RBFOX3: variants seen among roughly 807,000 people sequenced by gnomAD.
The protein encoded by RBFOX3 is RNA binding fox-1 homolog 3.
A neutral mutation model predicts 48.7 loss-of-function variants in RBFOX3; 17 were observed. The observed-to-expected ratio is 0.35, with a 90% CI of 0.24 to 0.52. The LOEUF (loss-of-function observed/expected upper bound fraction) is 0.52. RBFOX3 is among the 20% of genes least tolerant of loss of function. The pLI is 0.94. For synonymous variants in RBFOX3, 212 were observed against 209.5 expected (o/e 1.01, Z -0.10); for missense variants, 382 against 497.5 (o/e 0.77, Z 2.21).
chr17:79,312,082 G>T (rs1045536377), intron 2 of RBFOX3, among the ~76,000 whole-genome samples: 1 of 152,128 alleles, frequency 6.6e-6, no homozygotes, highest in African/African-American at 2.4e-5. Context: ...AAATGCCACA[G>T]TTAGCAGCGC....
chr17:79,398,077 G>T (rs1026732566), intron 2 of RBFOX3, among the ~76,000 whole-genome samples: 2 of 152,160 alleles, frequency 1.3e-5, no homozygotes. Flanking sequence ...GGCTCTGGGC[G>T]CCTTGTCGGG....
intron 4 of RBFOX3, among the ~76,000 whole-genome samples, chr17:79,232,457 T>C (rs2061147654): frequency 6.6e-6 from 1 of 152,198 alleles, no homozygotes; most frequent in South Asian, 2.1e-4. Flanking sequence ...AGAAACAGAA[T>C]ATCAAACCCA....
intron 2 of RBFOX3, among the ~76,000 whole-genome samples, chr17:79,426,469 G>A (rs1555725612): frequency 6.6e-6 from 1 of 152,214 alleles, no homozygotes; most frequent in African/African-American, 2.4e-5. Context: ...TCGCGACACA[G>A]TGTTCTGTGG....
intron 1 of RBFOX3, among the ~76,000 whole-genome samples, chr17:79,569,691 A>G (rs1413960439): frequency 6.6e-6 from 1 of 152,232 alleles, no homozygotes; most frequent in Non-Finnish European, 1.5e-5. Context: ...GCCTGCTGCA[A>G]ACATTGTACC....
At chr17:79,659,148 C>T in the RBFOX3 span, among the ~76,000 whole-genome samples, 1 of 152,076 alleles carries the variant, frequency 6.6e-6, no homozygotes, top group African/African-American at 2.4e-5. Flanking sequence ...CGCGGGGGCC[C>T]GTGACAACAT....
At chr17:79,634,080 G>A in the RBFOX3 span, among the ~76,000 whole-genome samples, 1 of 152,188 alleles carries the variant, frequency 6.6e-6, no homozygotes, top group East Asian at 1.9e-4. Flanking sequence ...TGCCTTGCCC[G>A]GCATTGGGCA....
intron 3 of RBFOX3, among the ~76,000 whole-genome samples, chr17:79,258,351 A>G (rs1305806741): frequency 6.6e-6 from 1 of 151,998 alleles, no homozygotes; most frequent in Admixed American, 6.6e-5. Flanking sequence ...CTCAAACCCT[A>G]CTCAATACTC....
chr17:79,452,980 C>A (rs549725241), intron 2 of RBFOX3, among the ~76,000 whole-genome samples: 1 of 152,346 alleles, frequency 6.6e-6, no homozygotes, highest in East Asian at 1.9e-4. Flanking sequence ...AGACGTGCAG[C>A]TTGGAGCACA....
At chr17:79,140,984 G>A (rs547075506) in intron 4 of RBFOX3, among the ~76,000 whole-genome samples, 9 of 152,308 alleles carry the variant, frequency 5.9e-5, no homozygotes, top group Admixed American at 3.9e-4. Context: ...GAGGCAGCCC[G>A]GGTGGCTTCG....
chr17:79,551,084 CTAG>C lies in RBFOX3; in HGVS notation c.-320+59739_-320+59741del, dbSNP rs1232349361. 6.1e-3 allele frequency among the ~76,000 whole-genome samples: 926 copies of C among 152,292 alleles called. 12 individuals carry two copies. Among genetic ancestry groups the C allele is most frequent in the African/African-American group, 0.021 (887 of 41,544 alleles). On this transcript the variant is annotated intron_variant, in intron 1 of 14. Transcript: ENST00000693108. ...ATTTTATTTAAATAGTCGCATGCAA[CTAG>C]TAGTTGCTGCATTGAACAGAACAGT...
chr17:79,185,105 T>A (rs2053128083), intron 4 of RBFOX3, among the ~76,000 whole-genome samples: 1 of 139,338 alleles, frequency 7.2e-6, no homozygotes, highest in Admixed American at 6.8e-5. Context: ...TTGTTCATCT[T>A]CTTCGTAGAG....
intron 3 of RBFOX3, among the ~76,000 whole-genome samples, chr17:79,255,044 C>T (rs943356776): frequency 6.6e-6 from 1 of 152,048 alleles, no homozygotes; most frequent in Non-Finnish European, 1.5e-5. Context: ...GCTTCCTGCC[C>T]CCAGGGCCTG....
At chr17:79,129,023 C>T (rs1365120613) in intron 4 of RBFOX3, among the ~76,000 whole-genome samples, 1 of 152,194 alleles carries the variant, frequency 6.6e-6, no homozygotes, top group Non-Finnish European at 1.5e-5. Context: ...GGTAGCACCC[C>T]AGACCCCGAG....
chr17:79,524,602 G>A (rs1414849373), intron 1 of RBFOX3, among the ~76,000 whole-genome samples: 1 of 152,150 alleles, frequency 6.6e-6, no homozygotes, highest in Non-Finnish European at 1.5e-5. Context: ...TGCAGAACTG[G>A]GGGCTGGATT....
chr17:79,564,321 C>T (rs1017555855), intron 1 of RBFOX3, among the ~76,000 whole-genome samples: 4 of 152,310 alleles, frequency 2.6e-5, no homozygotes, highest in South Asian at 2.1e-4. Flanking sequence ...TGGCATTAAT[C>T]GTGCTGGGAA....
chr17:79,262,215 C>T (rs954875080), intron 3 of RBFOX3, among the ~76,000 whole-genome samples: 91 of 152,156 alleles, frequency 6.0e-4, no homozygotes, highest in African/African-American at 2.0e-3. Flanking sequence ...CGAGATGCGG[C>T]GGTTCTGAGC....
chr17:79,179,233 T>G (rs1283341265), intron 4 of RBFOX3, among the ~76,000 whole-genome samples: 1 of 122,348 alleles, frequency 8.2e-6, no homozygotes, highest in African/African-American at 2.7e-5. Context: ...CTAATGAATC[T>G]CAGAACAGAC....
Position 79,198,633 on chromosome 17 carries a change from T to C in RBFOX3, c.-34+37133A>G, listed in dbSNP as rs78960803. Among the ~76,000 whole-genome samples the C allele has an allele frequency of 3.4e-4, 50 of 146,994 alleles. No homozygotes were observed. The highest frequency in any genetic ancestry group is 5.3e-4 in the Non-Finnish European group (35 of 66,520). On this transcript the variant is annotated intron_variant, in intron 4 of 14. Coordinates refer to ENST00000693108, the MANE Select transcript of RBFOX3 (RefSeq NM_001350451.2). This position sits in a 1 kb window ranked among gnomAD's most constrained non-coding sequence, Gnocchi z 8.2. Reference sequence around the variant, plus strand: ...TGCTTTTGAACTTTCTCTCTCTCTTTTTTTTTTTTTAAGATGGAGTCTTGC... The same window carrying C: ...TGCTTTTGAACTTTCTCTCTCTCTTCTTTTTTTTTTAAGATGGAGTCTTGC...
rs1243608678 is a variant in RBFOX3, at chr17:79,477,318, A to G, written c.-175+5136T>C. ...ACACCTGTAATCCCAGCACTTTGGG[A>G]GGCCAAGGCAGGTGGATCACGAGGT... On this transcript the variant is annotated intron_variant, in intron 2 of 14. Transcript: ENST00000693108. The surrounding 1 kb of genome is among the most constrained non-coding windows in gnomAD (Gnocchi z 4.8). Among the ~76,000 whole-genome samples the G allele has an allele frequency of 7.6e-4, 113 of 148,378 alleles. No homozygotes were observed. The highest frequency in any genetic ancestry group is 2.2e-3 in the African/African-American group (91 of 40,452).
Sources: allele counts gnomAD v4.1 joint callset (sites outside exome capture counted in the v4.1 genomes callset), GRCh38; gene constraint gnomAD v4.1.1; non-coding constraint Gnocchi (gnomAD v3.1); transcripts MANE v1.5; gene names NCBI Gene and HGNC (gene_info 2026-07-23, HGNC 2026-07-21).